The following LASP1 variants were observed in gnomAD, a reference collection of about 807,000 sequenced individuals.
LASP1 encodes the protein LIM and SH3 protein 1.
In LASP1, 10 loss-of-function variants were observed where a neutral mutation model predicts 38.6. That is an observed-to-expected ratio of 0.26 (90% CI 0.16 to 0.44). The LOEUF (loss-of-function observed/expected upper bound fraction) is 0.44. LASP1 is among the 20% of genes least tolerant of loss of function. The probability of loss-of-function intolerance (pLI) is 1.00; values close to 1 mark genes in which losing one functional copy is unlikely to be tolerated. For synonymous variants in LASP1, 132 were observed against 140.8 expected, an observed-to-expected ratio of 0.94 and a Z score of 0.44; for missense variants, 243 against 375.7, an observed-to-expected ratio of 0.65 and a Z score of 2.92.
Position 38,915,152 on chromosome 17 carries a change from T to A in LASP1, c.612+6T>A. ...GCGCCCCAGGTGGTGGCGGGGTGAGTAACCCTGGCCGGAGGGGAGAGGCCA... is the reference window on the plus strand; with the variant it reads ...GCGCCCCAGGTGGTGGCGGGGTGAGAAACCCTGGCCGGAGGGGAGAGGCCA... On this transcript the variant is annotated splice_donor_region_variant and intron_variant, in intron 6 of 6. Transcript: ENST00000318008. 1 of 1,612,730 alleles carries A rather than the reference T, an allele frequency of 6.2e-7. No individual in the cohort carries two copies. Among genetic ancestry groups the A allele is most frequent in the Non-Finnish European group, 8.5e-7 (1 of 1,179,220 alleles).
At chr17:38,885,564 T>G (rs1453361142) in intron 2 of LASP1, among the ~76,000 whole-genome samples, 1 of 152,140 alleles carries the variant, frequency 6.6e-6, no homozygotes, top group Non-Finnish European at 1.5e-5. Context: ...CTTGGAATGA[T>G]TAACAAGGGG....
At chr17:38,905,069 G>A (rs1407704790) in intron 4 of LASP1, among the ~76,000 whole-genome samples, 4 of 152,148 alleles carry the variant, frequency 2.6e-5, no homozygotes, top group African/African-American at 4.8e-5. Context: ...TGTGTGTAGC[G>A]GTAGTACATC....
chr17:38,887,014 G>A (rs953863794), intron 2 of LASP1, among the ~76,000 whole-genome samples: 17 of 152,292 alleles, frequency 1.1e-4, no homozygotes, highest in South Asian at 8.3e-4. Flanking sequence ...GATTACAGGC[G>A]TGAGCCACTG....
intron 3 of LASP1, among the ~76,000 whole-genome samples, chr17:38,895,329 G>GC (rs1914455082): frequency 6.8e-6 from 1 of 146,608 alleles, no homozygotes; most frequent in Non-Finnish European, 1.5e-5. Flanking sequence ...TAATTTTTGT[G>GC]TTTTTTTTTT....
At chr17:38,890,164 G>T (rs888764246) in intron 2 of LASP1, 2 of 481,344 alleles carry the variant, frequency 4.2e-6, no homozygotes, top group Non-Finnish European at 7.6e-6. Context: ...CCATCCTTTC[G>T]CTCAGGACAG....
chr17:38,897,873 G>C (rs1424452623), intron 3 of LASP1, among the ~76,000 whole-genome samples: 1 of 152,184 alleles, frequency 6.6e-6, no homozygotes, highest in South Asian at 2.1e-4. Context: ...TTGCTGAAAA[G>C]CTCCCCCAGG....
At chr17:38,891,463 C>T (rs1284792934) in intron 3 of LASP1, among the ~76,000 whole-genome samples, 1 of 152,138 alleles carries the variant, frequency 6.6e-6, no homozygotes, top group Non-Finnish European at 1.5e-5. Context: ...TCTCAGCATC[C>T]TCCCAGCAGC....
intron 6 of LASP1, chr17:38,915,869 G>A (rs550851413): frequency 6.6e-6 from 1 of 152,340 alleles, no homozygotes; most frequent in African/African-American, 2.4e-5. Context: ...AGCGCCTCCA[G>A]GCTGGGTGCC....
At chr17:38,886,242 T>C (rs1247792099) in intron 2 of LASP1, among the ~76,000 whole-genome samples, 1 of 151,892 alleles carries the variant, frequency 6.6e-6, no homozygotes, top group Non-Finnish European at 1.5e-5. Flanking sequence ...ACCTGAAGCG[T>C]AGTGAGCCGG....
intron 2 of LASP1, among the ~76,000 whole-genome samples, chr17:38,887,766 G>A (rs1427987111): frequency 3.3e-5 from 5 of 152,224 alleles, no homozygotes; most frequent in Non-Finnish European, 7.3e-5. Context: ...GCCCTGTCAA[G>A]TTATGCTCCT....
In LASP1 at chr17:38,920,062, C is replaced by T. The variant is rs1413005998; in HGVS notation, c.*1284C>T. ...TTTCTTTGGAATGAAATTCCTCCTT[C>T]CCCCCATCTCTGAGTGGAGGAAGCC... On this transcript the variant is annotated 3_prime_UTR_variant, in exon 7 of 7. Coordinates refer to ENST00000318008, the MANE Select transcript of LASP1 (RefSeq NM_006148.4). The T allele has an allele frequency of 7.5e-6, 4 of 536,544 alleles. No homozygotes were observed. The East Asian group carries it at 1.6e-4, about 21-fold the overall frequency. The allele number at this position is 536,544 out of a possible 1,614,324, so 33.2% of individuals were successfully genotyped here.
At chr17:38,890,712 G>T (rs1004631612) in intron 3 of LASP1, among the ~76,000 whole-genome samples, 2 of 152,168 alleles carry the variant, frequency 1.3e-5, no homozygotes, top group Admixed American at 6.5e-5. Context: ...ACCTAGAGGG[G>T]GTTGGAGAGG....
intron 4 of LASP1, chr17:38,904,731 T>A (rs948822519): frequency 2.6e-5 from 4 of 152,252 alleles, no homozygotes; most frequent in African/African-American, 9.6e-5. Context: ...ATATCTTTGC[T>A]GCAGGCAGAA....
intron 2 of LASP1, among the ~76,000 whole-genome samples, chr17:38,884,840 G>T (rs1023515123): frequency 1.3e-5 from 2 of 151,722 alleles, no homozygotes; most frequent in Non-Finnish European, 2.9e-5. Context: ...ACAGGCGTGT[G>T]TCACCACGCC....
intron 3 of LASP1, among the ~76,000 whole-genome samples, chr17:38,891,192 A>ATGAGG: frequency 7.3e-6 from 1 of 137,566 alleles, no homozygotes; most frequent in African/African-American, 2.6e-5. Flanking sequence ...CTGGCCAGTG[A>ATGAGG]TGAGGTGGGG....
chr17:38,875,009 G>A (rs372389794), intron 1 of LASP1, among the ~76,000 whole-genome samples: 16 of 152,068 alleles, frequency 1.1e-4, no homozygotes, highest in African/African-American at 3.9e-4. Flanking sequence ...ACGTCAATCA[G>A]GAGGCAGCCT....
chr17:38,886,707 G>T (rs1409000468), intron 2 of LASP1, among the ~76,000 whole-genome samples: 1 of 152,044 alleles, frequency 6.6e-6, no homozygotes, highest in Non-Finnish European at 1.5e-5. Flanking sequence ...GGTGCAGGGG[G>T]TGTGTGGACA....
chr17:38,915,252 T>G (rs1272013073), intron 6 of LASP1, 106 bp downstream of exon 6: 2 of 883,108 alleles, frequency 2.3e-6, no homozygotes, highest in Admixed American at 4.7e-5. Context: ...CCCTCTGTTG[T>G]GTGTGATGAT....
intron 2 of LASP1, 119 bp from the exon 3 acceptor site, chr17:38,890,301 C>T (rs978757909): frequency 1.9e-5 from 16 of 847,988 alleles, no homozygotes; most frequent in Admixed American, 8.8e-5. Flanking sequence ...CCTGTGGGGC[C>T]GGGCCAGGGC....
Sources: gnomAD v4.1 joint callset for allele counts (sites outside exome capture counted in the v4.1 genomes callset) on GRCh38, gnomAD v4.1.1 for gene constraint, MANE v1.5 for transcripts, NCBI Gene and HGNC (gene_info 2026-07-23, HGNC 2026-07-21) for gene names.